The following CMIP variants were observed in gnomAD, a reference collection of about 807,000 sequenced individuals.
CMIP encodes the protein C-Maf-inducing protein.
A neutral mutation model predicts 97.3 loss-of-function variants in CMIP; 13 were observed. The ratio of observed to expected loss-of-function variants is 0.13; its 90% confidence interval spans 0.09 to 0.21. CMIP has a LOEUF of 0.21. CMIP is among the 10% of genes least tolerant of loss of function. The pLI is 1.00. For missense variants in CMIP, 847 were observed against 1,024.9 expected (o/e 0.83, Z 2.37); for synonymous variants, 538 against 436.3 (o/e 1.23, Z -2.91).
intron 3 of CMIP, among the ~76,000 whole-genome samples, chr16:81,641,502 A>G (rs2092306626): frequency 6.6e-6 from 1 of 152,136 alleles, no homozygotes; most frequent in African/African-American, 2.4e-5. Context: ...GCCAGGTAGG[A>G]TGTGGTACTC....
At chr16:81,670,388 C>A in intron 8 of CMIP, 143 bp downstream of exon 8, 4 of 830,348 alleles carry the variant, frequency 4.8e-6, no homozygotes, top group Non-Finnish European at 7.5e-6. Flanking sequence ...CTGCACGGTG[C>A]CCGATAGGAA....
chr16:81,487,327 A>G (rs2927320), intron 1 of CMIP, among the ~76,000 whole-genome samples: 92,517 of 151,996 alleles, frequency 0.61, 28,527 homozygotes, highest in East Asian at 0.8. Context: ...TGGCACCTGG[A>G]TTCCTGAGGT....
At chr16:81,528,902 T>G (rs1240758235) in intron 1 of CMIP, among the ~76,000 whole-genome samples, 1 of 152,070 alleles carries the variant, frequency 6.6e-6, no homozygotes, top group Non-Finnish European at 1.5e-5. Flanking sequence ...CTCCCTCCCT[T>G]CCTTTCTCCT....
chr16:81,524,816 T>C (rs2090097643), intron 1 of CMIP, among the ~76,000 whole-genome samples: 1 of 151,074 alleles, frequency 6.6e-6, no homozygotes, highest in African/African-American at 2.4e-5. Flanking sequence ...TTTTTTGAGA[T>C]GGAGTCTCAT....
At chr16:81,633,860 C>T (rs535872533) in intron 3 of CMIP, among the ~76,000 whole-genome samples, 1 of 152,324 alleles carries the variant, frequency 6.6e-6, no homozygotes, top group African/African-American at 2.4e-5. Flanking sequence ...TCGGGGCCAG[C>T]CTGACACCGG....
At chr16:81,643,970 G>A (rs542925628) in intron 3 of CMIP, among the ~76,000 whole-genome samples, 14 of 152,166 alleles carry the variant, frequency 9.2e-5, no homozygotes, top group African/African-American at 2.9e-4. Flanking sequence ...TGTGATTCCC[G>A]GAGGCACTAG....
At chr16:81,573,665 G>A (rs183107665) in intron 1 of CMIP, among the ~76,000 whole-genome samples, 1 of 152,294 alleles carries the variant, frequency 6.6e-6, no homozygotes, top group East Asian at 1.9e-4. Context: ...TAGCCAGCAG[G>A]ACATCACCCA....
chr16:81,519,366 A>AG (rs1394974520), intron 1 of CMIP: 1 of 152,276 alleles, frequency 6.6e-6, no homozygotes, highest in Non-Finnish European at 1.5e-5. Context: ...GCTAAGCTGT[A>AG]GCTGCTTCAA....
chr16:81,512,430 C>T (rs976770238), intron 1 of CMIP, among the ~76,000 whole-genome samples: 20 of 152,306 alleles, frequency 1.3e-4, no homozygotes, highest in South Asian at 8.3e-4. Context: ...TGCATTATTT[C>T]ATTAGAGATT....
intron 2 of CMIP, chr16:81,617,324 G>A (rs186394292): frequency 3.9e-5 from 6 of 152,588 alleles, no homozygotes; most frequent in African/African-American, 1.4e-4. Flanking sequence ...GGGGCATGCA[G>A]GTGGTAGTCC....
At chr16:81,446,600 A>G (rs1391297056) in intron 1 of CMIP, among the ~76,000 whole-genome samples, 1 of 151,962 alleles carries the variant, frequency 6.6e-6, no homozygotes, top group African/African-American at 2.4e-5. Flanking sequence ...CCCTGGGGCC[A>G]CCGTGATCCT....
chr16:81,457,174 A>AC (rs138067921), intron 1 of CMIP, among the ~76,000 whole-genome samples: 4,864 of 146,732 alleles, frequency 0.033, 249 homozygotes, highest in East Asian at 0.25. Context: ...AACCCCTCCG[A>AC]CCCCCCCGCC....
At position 81,691,221 on chromosome 16, in the gene CMIP, G is replaced by A. The variant is rs140128744; in HGVS notation, c.1389-554G>A. Among the ~76,000 whole-genome samples, 161 of 152,298 alleles carry A rather than the reference G, an allele frequency of 1.1e-3. 1 individual carries two copies. Among genetic ancestry groups the A allele is most frequent in the Non-Finnish European group, 1.4e-3 (94 of 68,020 alleles). Reference sequence around the variant, plus strand: ...ACCCTGAAATCAAGGTGTGGGCAGGGCTGGTTTCTCTGGAGGCCTCTCTCC... The same window carrying A: ...ACCCTGAAATCAAGGTGTGGGCAGGACTGGTTTCTCTGGAGGCCTCTCTCC... On this transcript the variant is annotated intron_variant, in intron 10 of 20. Coordinates refer to ENST00000537098, the MANE Select transcript of CMIP (RefSeq NM_198390.3).
chr16:81,699,768 C>A lies in CMIP; in HGVS notation c.1722C>A (p.Leu574=), dbSNP rs777912347. 3.1e-6 allele frequency: 5 copies of A among 1,613,546 alleles called. No individual in the cohort carries two copies. The South Asian group carries it at 4.4e-5, about 14-fold the overall frequency. The change falls in exon 15 of 21, where the codon CTC becomes CTA. Residue 574 remains leucine (L), a synonymous_variant. Transcript: ENST00000537098. ...AAAACAAGCTGGGTCCCTGCATGCTCCTGGCACTGAGGGGGAACCAGACCA... is the reference window on the plus strand; with the variant it reads ...AAAACAAGCTGGGTCCCTGCATGCTACTGGCACTGAGGGGGAACCAGACCA... ...LAENKLGPCM[L]LALRGNQTMV...
At chr16:81,500,268 TTCCG>T (rs1241591633) in intron 1 of CMIP, among the ~76,000 whole-genome samples, 13 of 118,592 alleles carry the variant, frequency 1.1e-4, no homozygotes, top group South Asian at 3.0e-4. Flanking sequence ...CCTTCCTTCC[TTCCG>T]TCCTTCCTTC....
Position 81,704,091 on chromosome 16 carries a change from T to C in CMIP, c.2091+6T>C, listed in dbSNP as rs1285893288. On this transcript the variant is annotated splice_donor_region_variant and intron_variant, in intron 18 of 20. Coordinates refer to ENST00000537098, the MANE Select transcript of CMIP (RefSeq NM_198390.3). The stretch of plus-strand genomic sequence containing the variant: ...TGAACCTGTGGTCCACTCAGGTACG[T>C]CCTCCCGCCCTGCTGCAGTCCCCCA... 7.5e-6 allele frequency: 12 copies of C among 1,601,188 alleles called. No individual in the cohort carries two copies. In the East Asian group the frequency reaches 2.7e-4, roughly 36 times the overall value.
chr16:81,537,004 C>G (rs1001353721), intron 1 of CMIP, among the ~76,000 whole-genome samples: 1 of 152,198 alleles, frequency 6.6e-6, no homozygotes, highest in Admixed American at 6.5e-5. Flanking sequence ...CGCTTGTGAA[C>G]TCCACATCTG....
intron 1 of CMIP, among the ~76,000 whole-genome samples, chr16:81,576,121 C>A (rs184797917): frequency 1.3e-5 from 2 of 152,066 alleles, no homozygotes; most frequent in African/African-American, 4.8e-5. Flanking sequence ...GAAAAGAATG[C>A]GTCTAGGCGC....
chr16:81,589,798 C>G (rs1476221429), intron 1 of CMIP, among the ~76,000 whole-genome samples: 1 of 152,258 alleles, frequency 6.6e-6, no homozygotes, highest in Non-Finnish European at 1.5e-5. Flanking sequence ...CCCTTCCTCC[C>G]TCTCTCAACT....
Sources: gnomAD v4.1 joint callset for allele counts (sites outside exome capture counted in the v4.1 genomes callset) on GRCh38, gnomAD v4.1.1 for gene constraint, MANE v1.5 for transcripts, NCBI Gene and HGNC (gene_info 2026-07-23, HGNC 2026-07-21) for gene names.